Variants in CCDC69 observed in about 807,000 individuals in gnomAD.
The protein encoded by CCDC69 is coiled-coil domain-containing protein 69.
CCDC69 carries 38 observed loss-of-function variants against 40.3 expected under a neutral mutation model. The ratio of observed to expected loss-of-function variants is 0.94; its 90% confidence interval spans 0.73 to 1.24. CCDC69 has a LOEUF of 1.24. Among genes scored for constraint, CCDC69 ranks in the 50% most tolerant of loss-of-function variants. The probability of loss-of-function intolerance (pLI) is 0.00; values close to 1 mark genes in which losing one functional copy is unlikely to be tolerated. For synonymous variants in CCDC69, 141 were observed against 138.9 expected (o/e 1.02, Z -0.11); for missense variants, 389 against 357.9 (o/e 1.09, Z -0.70).
chr5:151,199,769 T>A (rs1752751985), intron 3 of CCDC69, among the ~76,000 whole-genome samples: 1 of 152,144 alleles, frequency 6.6e-6, no homozygotes, highest in Admixed American at 6.5e-5. Flanking sequence ...AGTCTCAAGG[T>A]TAAGGATTCC....
In CCDC69 at chr5:151,219,881, C is replaced by A. The variant is rs534731744; in HGVS notation, c.48+4042G>T. 6.6e-5 allele frequency among the ~76,000 whole-genome samples: 10 copies of A among 152,194 alleles called. No individual in the cohort carries two copies. The South Asian group carries it at 1.5e-3, about 22-fold the overall frequency. On this transcript the variant is annotated intron_variant, in intron 1 of 8. Coordinates refer to ENST00000355417, the MANE Select transcript of CCDC69 (RefSeq NM_015621.3). Reference sequence around the variant, plus strand: ...ATATTCTTGCCAAAATGCCACCTGACCCCTGCTTGAACCCTCCAGTGATAG... The same window carrying A: ...ATATTCTTGCCAAAATGCCACCTGAACCCTGCTTGAACCCTCCAGTGATAG...
At chr5:151,215,578 G>C (rs890555415) in intron 1 of CCDC69, 1 of 378,084 alleles carries the variant, frequency 2.6e-6, no homozygotes, top group South Asian at 1.8e-5. Flanking sequence ...AGCAGGAAAG[G>C]AGGGTCCCTT....
intron 1 of CCDC69, among the ~76,000 whole-genome samples, chr5:151,219,255 C>T (rs1753099931): frequency 6.6e-6 from 1 of 152,192 alleles, no homozygotes; most frequent in Non-Finnish European, 1.5e-5. Flanking sequence ...TCAAGGGCTG[C>T]TCCCATATTC....
In CCDC69 at chr5:151,199,220, C is replaced by T. The variant is rs527362919; in HGVS notation, c.232-136G>A. 1.1e-4 allele frequency: 78 copies of T among 720,552 alleles called. No homozygotes were observed. In the East Asian group the frequency reaches 1.9e-3, roughly 18 times the overall value. 44.6% of individuals were successfully genotyped at this position (720,552 alleles called of 1,614,324 possible). On this transcript the variant is annotated intron_variant, in intron 3 of 8. Transcript: ENST00000355417. The stretch of plus-strand genomic sequence containing the variant: ...CCTCTGAGGGATGGGAATGACACGC[C>T]CAGAAAGGACACAAGACTTCCAAGA...
At chr5:151,212,930 T>C (rs566740377) in intron 1 of CCDC69, 146 of 455,792 alleles carry the variant, frequency 3.2e-4, no homozygotes, top group African/African-American at 2.6e-3. Flanking sequence ...GTGGTGGAAG[T>C]GAGCGCTCCA....
chr5:151,222,363 G>C (rs1195247119), intron 1 of CCDC69, among the ~76,000 whole-genome samples: 1 of 152,254 alleles, frequency 6.6e-6, no homozygotes, highest in Non-Finnish European at 1.5e-5. Flanking sequence ...CAAAGAACCT[G>C]TGCTTACTGT....
At position 151,186,126 on chromosome 5, in the gene CCDC69, T is replaced by A. The variant is rs773611521; in HGVS notation, c.394-2A>T. On this transcript the variant is annotated splice_acceptor_variant, in intron 5 of 8. Transcript: ENST00000355417. LOFTEE classifies it high-confidence loss of function. ...TGAGGTCAGTCTGTCTATGGTCTCC[T>A]GGAGCAGGGAGTGGGATGGAGACAA... The A allele has an allele frequency of 1.2e-6, 2 of 1,604,626 alleles. No homozygotes were observed. The highest frequency in any genetic ancestry group is 4.5e-5 in the East Asian group (2 of 44,814).
intron 1 of CCDC69, among the ~76,000 whole-genome samples, chr5:151,216,099 C>T (rs1753034535): frequency 6.6e-6 from 1 of 152,204 alleles, no homozygotes; most frequent in Admixed American, 6.5e-5. Context: ...ACTGGGACTA[C>T]AGGCATGTGC....
intron 3 of CCDC69, among the ~76,000 whole-genome samples, chr5:151,201,322 G>A (rs1752773406): frequency 6.6e-6 from 1 of 152,198 alleles, no homozygotes; most frequent in African/African-American, 2.4e-5. Flanking sequence ...TAATCTAGTG[G>A]CATCAACAGC....
chr5:151,194,553 G>A (rs1752667148), intron 4 of CCDC69, among the ~76,000 whole-genome samples: 1 of 152,120 alleles, frequency 6.6e-6, no homozygotes, highest in Non-Finnish European at 1.5e-5. Flanking sequence ...CGGCTTTTTG[G>A]GAGTGATAAA....
intron 1 of CCDC69, chr5:151,212,976 A>G: frequency 2.3e-6 from 1 of 440,264 alleles, no homozygotes; most frequent in East Asian, 7.0e-5. Flanking sequence ...TGGAGAGTCA[A>G]ACTTCATGCT....
In CCDC69 at chr5:151,224,045, G is replaced by T. The variant is rs1753179248; in HGVS notation, c.-75C>A. The T allele has an allele frequency of 1.5e-6, 2 of 1,321,528 alleles. No homozygotes were observed. Among genetic ancestry groups the T allele is most frequent in the Non-Finnish European group, 1.0e-6 (1 of 980,626 alleles). The allele number at this position is 1,321,528 out of a possible 1,614,324, so 81.9% of individuals were successfully genotyped here. ...AGGAGCCTGCGATCCGGGCCCCGCT[G>T]CCCGCTCCGCGCCCGCCGGCTGGGG... On this transcript the variant is annotated 5_prime_UTR_variant, in exon 1 of 9. Coordinates refer to ENST00000355417, the MANE Select transcript of CCDC69 (RefSeq NM_015621.3).
intron 4 of CCDC69, among the ~76,000 whole-genome samples, chr5:151,194,914 A>G (rs570821973): frequency 1.7e-4 from 25 of 149,924 alleles, no homozygotes; most frequent in African/African-American, 5.9e-4. Context: ...AAAAAAAAGA[A>G]TCTATACATG....
intron 7 of CCDC69, 121 bp from the exon 8 acceptor site, chr5:151,184,562 T>C: frequency 1.6e-6 from 1 of 612,904 alleles, no homozygotes. Context: ...GATGTTACAT[T>C]TCATGGAGCA....
At chr5:151,189,961 A>G (rs1302106969) in intron 4 of CCDC69, among the ~76,000 whole-genome samples, 2 of 152,238 alleles carry the variant, frequency 1.3e-5, no homozygotes, top group Non-Finnish European at 1.5e-5. Context: ...GTACAAAACC[A>G]TAACAAAAAG....
intron 3 of CCDC69, 69 bp from the exon 4 acceptor site, chr5:151,199,153 C>T: frequency 1.5e-6 from 2 of 1,295,532 alleles, no homozygotes; most frequent in Non-Finnish European, 1.1e-6. Flanking sequence ...TATCCCCTCA[C>T]CTGGGCCTAC....
intron 4 of CCDC69, among the ~76,000 whole-genome samples, chr5:151,197,798 T>G (rs370274785): frequency 6.6e-6 from 1 of 152,192 alleles, no homozygotes; most frequent in East Asian, 1.9e-4. Flanking sequence ...ATTGCTGTTA[T>G]AGACAATGAG....
chr5:151,207,991 C>T (rs780811242), intron 1 of CCDC69, among the ~76,000 whole-genome samples: 15 of 152,134 alleles, frequency 9.9e-5, no homozygotes, highest in Non-Finnish European at 1.6e-4. Flanking sequence ...TGGCTCATGC[C>T]TATAATCTTG....
intron 1 of CCDC69, among the ~76,000 whole-genome samples, chr5:151,219,202 C>A (rs967204586): frequency 1.2e-4 from 19 of 152,194 alleles, no homozygotes; most frequent in African/African-American, 4.3e-4. Context: ...CCCTTACCAA[C>A]CGAGCTAGAA....
Sources: gnomAD v4.1 joint callset for allele counts (sites outside exome capture counted in the v4.1 genomes callset) on GRCh38, gnomAD v4.1.1 for gene constraint, MANE v1.5 for transcripts, NCBI Gene and HGNC (gene_info 2026-07-23, HGNC 2026-07-21) for gene names.